The following ANK2 variants were observed in gnomAD, a reference collection of about 807,000 sequenced individuals.
The protein encoded by ANK2 is ankyrin-2.
A neutral mutation model predicts 360.5 loss-of-function variants in ANK2; 83 were observed. That is an observed-to-expected ratio of 0.23 (90% CI 0.19 to 0.28). The LOEUF is 0.28. Ranked by LOEUF, ANK2 falls within the 10% of genes least tolerant of loss-of-function variation. The pLI, the probability that ANK2 is intolerant of heterozygous loss-of-function variation, is 1.00. For synonymous variants in ANK2, 1,740 were observed against 1,759.5 expected, an observed-to-expected ratio of 0.99 and a Z score of 0.28; for missense variants, 4,201 against 4,795.7, an observed-to-expected ratio of 0.88 and a Z score of 3.66.
chr4:113,154,420 A>G (rs1279380878), intron 1 of ANK2, among the ~76,000 whole-genome samples: 1 of 152,188 alleles, frequency 6.6e-6, no homozygotes, highest in East Asian at 1.9e-4. Flanking sequence ...GTCAGCTTGA[A>G]CAGCAAGATT....
At chr4:112,777,542 GT>G in the ANK2 span, among the ~76,000 whole-genome samples, 124 of 147,266 alleles carry the variant, frequency 8.4e-4, 1 homozygote, top group African/African-American at 2.7e-3. Flanking sequence ...CGCCTGGCAT[GT>G]AAATTTTTAA....
At chr4:112,741,079 T>C in the ANK2 span, among the ~76,000 whole-genome samples, 2,978 of 152,122 alleles carry the variant, frequency 0.02, 107 homozygotes, top group African/African-American at 0.068. Context: ...ATCCACCTGC[T>C]TTAGCCTCCC....
chr4:113,377,776 G>A (rs2097005212), intron 45 of ANK2, among the ~76,000 whole-genome samples: 1 of 152,098 alleles, frequency 6.6e-6, no homozygotes, highest in Admixed American at 6.6e-5. Flanking sequence ...TTTGCCTCTG[G>A]TTCTTACATT....
In ANK2 at chr4:113,335,947, A is replaced by G; in HGVS notation, c.3481A>G (p.Ser1161Gly). 6.2e-7 allele frequency: 1 copy of G among 1,614,192 alleles called. No individual in the cohort carries two copies. Among genetic ancestry groups the G allele is most frequent in the Non-Finnish European group, 8.5e-7 (1 of 1,180,024 alleles). Residue 1161 changes from serine (S) to glycine (G), a missense_variant, in exon 30 of 46, where the codon AGC (serine) becomes GGC (glycine). By Grantham distance (56) the Ser-to-Gly change is moderately conservative. This residue lies in a region of ANK2 where 1,268 missense variants were observed against 1,650.8 expected (regional missense o/e 0.77). Transcript: ENST00000357077. ...FAVVSRIKQD[S>G]NLIGPEGGVL... ...AGTGGTGTCTCGTATCAAACAGGACAGCAATCTGATTGGCCCAGAAGGAGG... is the reference window on the plus strand; with the variant it reads ...AGTGGTGTCTCGTATCAAACAGGACGGCAATCTGATTGGCCCAGAAGGAGG...
the ANK2 span, among the ~76,000 whole-genome samples, chr4:112,790,328 G>A: frequency 2.5e-4 from 38 of 152,258 alleles, no homozygotes; most frequent in African/African-American, 7.2e-4. Flanking sequence ...GCTTGATAAT[G>A]TACTAATTTG....
intron 1 of ANK2, chr4:113,072,013 G>A (rs1372126608): frequency 6.6e-6 from 1 of 152,224 alleles, no homozygotes; most frequent in Non-Finnish European, 1.5e-5. Flanking sequence ...AGGAGAACAG[G>A]ATGGGGGAAA....
At chr4:112,758,953 A>G in the ANK2 span, among the ~76,000 whole-genome samples, 9 of 152,158 alleles carry the variant, frequency 5.9e-5, no homozygotes, top group Admixed American at 3.3e-4. Flanking sequence ...ATAGTTATCT[A>G]GTGCAGAAAC....
chr4:113,349,277 T>C (rs28594555), intron 36 of ANK2, among the ~76,000 whole-genome samples: 37,110 of 151,402 alleles, frequency 0.25, 6,208 homozygotes, highest in African/African-American at 0.48. Flanking sequence ...AAAAACATAA[T>C]TGGAAAACTT....
At position 113,232,204 on chromosome 4, in the gene ANK2, T is replaced by C. The variant is rs2099316080; in HGVS notation, c.428T>C (p.Ile143Thr). 1.2e-6 allele frequency: 2 copies of C among 1,608,148 alleles called. No individual in the cohort carries two copies. The highest frequency in any genetic ancestry group is 1.1e-5 in the South Asian group (1 of 90,944). Residue 143 changes from isoleucine to threonine, a missense_variant, in exon 5 of 46, where the codon ATT becomes ACT. Ile to Thr is a moderately conservative substitution (Grantham distance 89, BLOSUM62 -1). This residue lies in a region of ANK2 where 169 missense variants were observed against 191.1 expected (regional missense o/e 0.88). Transcript: ENST00000357077. ...PLYMAAQENHIDVVKYLLENG... is the reference protein window; with the variant it reads ...PLYMAAQENHTDVVKYLLENG... ...TACATGGCTGCCCAAGAGAATCACATTGATGTTGTAAAATATTTGCTGGAA... is the reference window on the plus strand; with the variant it reads ...TACATGGCTGCCCAAGAGAATCACACTGATGTTGTAAAATATTTGCTGGAA...
the ANK2 span, among the ~76,000 whole-genome samples, chr4:112,758,236 C>A: frequency 2.6e-5 from 4 of 151,946 alleles, no homozygotes; most frequent in Non-Finnish European, 4.4e-5. Context: ...TTTTCTGAGT[C>A]ACATACACAT....
At chr4:113,161,716 G>A (rs1052638214) in intron 1 of ANK2, among the ~76,000 whole-genome samples, 3 of 151,898 alleles carry the variant, frequency 2.0e-5, no homozygotes, top group African/African-American at 7.3e-5. Context: ...GTGTGTGTGT[G>A]TGTGTGTGTG....
rs573453168 is a variant in ANK2, at chr4:113,312,548, G to A, written c.2693+1149G>A. Among the ~76,000 whole-genome samples the A allele has an allele frequency of 2.6e-5, 4 of 151,326 alleles. No homozygotes were observed. In the East Asian group the frequency reaches 5.8e-4, roughly 22 times the overall value. The stretch of plus-strand genomic sequence containing the variant: ...GCAAGATAGGCTTGTTAACTTCATA[G>A]TCTAATGGGATGGGAGAGGGCATAA... On this transcript the variant is annotated intron_variant, in intron 24 of 45. Transcript: ENST00000357077.
intron 1 of ANK2, among the ~76,000 whole-genome samples, chr4:112,823,200 T>C (rs1323258917): frequency 1.3e-5 from 2 of 152,262 alleles, no homozygotes; most frequent in East Asian, 3.8e-4. Flanking sequence ...TCTGATTATA[T>C]CCTGGATATG....
At chr4:113,189,347 T>A (rs909526157) in intron 2 of ANK2, among the ~76,000 whole-genome samples, 1 of 152,232 alleles carries the variant, frequency 6.6e-6, no homozygotes, top group African/African-American at 2.4e-5. Context: ...TTATTTTTAA[T>A]TAAAATTATA....
Position 113,356,139 on chromosome 4 carries a change from C to T in ANK2, c.7521C>T (p.Ser2507=). 1 of 1,614,048 alleles carries T rather than the reference C, an allele frequency of 6.2e-7. No homozygotes were observed. ...TGACGGAAGTGGCCTCTGTGCGGTC[C>T]CGGCTACTCCGAGACCCTGATGGCA... The part of the protein sequence containing the change: ...ELLTEVASVR[S]RLLRDPDGSA... The change falls in exon 38 of 46, where the codon TCC becomes TCT. Residue 2507 remains serine, a synonymous_variant. Transcript: ENST00000357077.
intron 2 of ANK2, among the ~76,000 whole-genome samples, chr4:112,959,779 C>G (rs530469308): frequency 3.3e-5 from 5 of 152,180 alleles, no homozygotes; most frequent in African/African-American, 1.2e-4. Context: ...GCTAATAGAC[C>G]TTAAGAAGAT....
intron 1 of ANK2, among the ~76,000 whole-genome samples, chr4:113,056,965 C>G (rs2070294410): frequency 1.3e-5 from 2 of 152,178 alleles, no homozygotes; most frequent in Non-Finnish European, 2.9e-5. Context: ...TAATGAAATT[C>G]AGTTTCTAAG....
chr4:112,991,615 C>CTTTTTTTTTTTTT (rs1363502696), intron 2 of ANK2, among the ~76,000 whole-genome samples: 1 of 80,656 alleles, frequency 1.2e-5, no homozygotes, highest in African/African-American at 4.1e-5. Flanking sequence ...TCTTTTCTTT[C>CTTTTTTTTTTTTT]TTTCTTTTTT....
At chr4:112,761,750 ACTT>A in the ANK2 span, among the ~76,000 whole-genome samples, 1 of 152,290 alleles carries the variant, frequency 6.6e-6, no homozygotes, top group African/African-American at 2.4e-5. Context: ...CCTCTACTAT[ACTT>A]CTTCACTTAC....
Sources: allele counts gnomAD v4.1 joint callset (sites outside exome capture counted in the v4.1 genomes callset), GRCh38; gene constraint gnomAD v4.1.1; regional missense constraint gnomAD v4.1.1; transcripts MANE v1.5; gene names NCBI Gene and HGNC (gene_info 2026-07-23, HGNC 2026-07-21).